ADAMTSL1: variants seen among roughly 807,000 people sequenced by gnomAD.
ADAMTSL1 encodes ADAMTS like 1.
A neutral mutation model predicts 201.8 loss-of-function variants in ADAMTSL1; 126 were observed. The observed-to-expected ratio is 0.62, with a 90% CI of 0.54 to 0.72. The LOEUF is 0.72. Ranked by LOEUF, ADAMTSL1 falls within the 30% of genes least tolerant of loss-of-function variation. The pLI, the probability that ADAMTSL1 is intolerant of heterozygous loss-of-function variation, is 0.00. For synonymous variants in ADAMTSL1, 1,121 were observed against 903.4 expected, an observed-to-expected ratio of 1.24 and a Z score of -4.32; for missense variants, 2,679 against 2,277.8, an observed-to-expected ratio of 1.18 and a Z score of -3.59.
chr9:17,909,112 A>G (rs1364465679), intron 1 of ADAMTSL1, among the ~76,000 whole-genome samples: 18 of 147,310 alleles, frequency 1.2e-4, no homozygotes, highest in South Asian at 2.3e-4. Flanking sequence ...GGCTGCATAA[A>G]TGTCTTCTTT....
intron 2 of ADAMTSL1, among the ~76,000 whole-genome samples, chr9:18,200,876 G>T (rs538441592): frequency 6.6e-5 from 10 of 151,884 alleles, no homozygotes; most frequent in Admixed American, 2.0e-4. Context: ...AAGTCATGAT[G>T]ACCTCTTTCA....
intron 1 of ADAMTSL1, among the ~76,000 whole-genome samples, chr9:18,163,545 G>A (rs935569605): frequency 6.6e-6 from 1 of 151,944 alleles, no homozygotes; most frequent in Non-Finnish European, 1.5e-5. Flanking sequence ...TCCATGGATA[G>A]CCCAATGGGA....
intron 1 of ADAMTSL1, among the ~76,000 whole-genome samples, chr9:18,138,318 C>A (rs1418811411): frequency 1.3e-5 from 2 of 152,112 alleles, no homozygotes; most frequent in Non-Finnish European, 2.9e-5. Flanking sequence ...ACATACATAT[C>A]TTGCATGTGT....
chr9:18,419,302 G>A (rs1641651405), intron 2 of ADAMTSL1, among the ~76,000 whole-genome samples: 1 of 152,114 alleles, frequency 6.6e-6, no homozygotes, highest in Non-Finnish European at 1.5e-5. Flanking sequence ...AGAGTTCTTA[G>A]ACATGACTCA....
chr9:18,881,527 T>C (rs1336021365), intron 23 of ADAMTSL1, among the ~76,000 whole-genome samples: 2 of 152,230 alleles, frequency 1.3e-5, no homozygotes, highest in African/African-American at 2.4e-5. Context: ...TCTTTTTATA[T>C]GAGCATGGTT....
chr9:18,715,499 G>T (rs10811019), intron 14 of ADAMTSL1, among the ~76,000 whole-genome samples: 6 of 151,670 alleles, frequency 4.0e-5, no homozygotes, highest in Admixed American at 2.6e-4. Flanking sequence ...GCTTCAAAGA[G>T]GATAAAATAC....
At position 18,140,516 on chromosome 9, in the gene ADAMTSL1, A is replaced by G. The variant is rs569402969; in HGVS notation, c.88-23346A>G. 2.0e-5 allele frequency among the ~76,000 whole-genome samples: 3 copies of G among 152,302 alleles called. No homozygotes were observed. In the East Asian group the frequency reaches 5.8e-4, roughly 29 times the overall value. On this transcript the variant is annotated intron_variant, in intron 1 of 29. Transcript: ENST00000680146. ...TGTGTGAAATGTTGCCTACCAGGGA[A>G]GTCTATCAGAGACTCAACACTAGAA... is the stretch of plus-strand genomic sequence containing the variant.
chr9:18,259,664 A>T (rs138002514), intron 2 of ADAMTSL1, among the ~76,000 whole-genome samples: 1 of 152,174 alleles, frequency 6.6e-6, no homozygotes, highest in Non-Finnish European at 1.5e-5. Flanking sequence ...GGTTTCCATC[A>T]CTTTGACTTT....
chr9:18,773,936 A>G (rs1036394841), intron 17 of ADAMTSL1, among the ~76,000 whole-genome samples: 40 of 152,368 alleles, frequency 2.6e-4, no homozygotes, highest in African/African-American at 9.6e-4. Flanking sequence ...TATAAAAGCA[A>G]TGGGTTTGAT....
At chr9:17,940,511 A>T (rs557182716) in intron 1 of ADAMTSL1, among the ~76,000 whole-genome samples, 2 of 151,976 alleles carry the variant, frequency 1.3e-5, no homozygotes, top group Non-Finnish European at 2.9e-5. Context: ...AGAAAAACCA[A>T]TTTAGGGTGG....
intron 2 of ADAMTSL1, among the ~76,000 whole-genome samples, chr9:18,461,757 G>C (rs1414613737): frequency 4.6e-5 from 7 of 152,132 alleles, no homozygotes; most frequent in Non-Finnish European, 8.8e-5. Flanking sequence ...AAGCAGGCAG[G>C]AAAGGAAGTC....
intron 16 of ADAMTSL1, among the ~76,000 whole-genome samples, chr9:18,757,330 G>A (rs533433782): frequency 6.6e-6 from 1 of 151,606 alleles, no homozygotes; most frequent in African/African-American, 2.4e-5. Flanking sequence ...CTCCTCTTTG[G>A]TGTTGGTTAT....
At chr9:18,888,325 C>A (rs1563890575) in intron 24 of ADAMTSL1, among the ~76,000 whole-genome samples, 2 of 152,202 alleles carry the variant, frequency 1.3e-5, no homozygotes, top group African/African-American at 4.8e-5. Flanking sequence ...ACCATGGAAA[C>A]ACCACTATAT....
chr9:18,277,738 C>T (rs1164198135), intron 2 of ADAMTSL1, among the ~76,000 whole-genome samples: 5 of 152,240 alleles, frequency 3.3e-5, no homozygotes. Context: ...CATCCTATGT[C>T]TTTTCACTGG....
intron 13 of ADAMTSL1, among the ~76,000 whole-genome samples, chr9:18,689,520 TA>T (rs947029912): frequency 6.6e-6 from 1 of 151,496 alleles, no homozygotes; most frequent in Non-Finnish European, 1.5e-5. Flanking sequence ...TCATATTTTT[TA>T]AAAAAAAGGA....
intron 1 of ADAMTSL1, among the ~76,000 whole-genome samples, chr9:17,976,531 C>G (rs1442571646): frequency 6.6e-6 from 1 of 151,454 alleles, no homozygotes; most frequent in African/African-American, 2.4e-5. Context: ...TTTTTATTCT[C>G]GGAGAATTGG....
chr9:18,521,417 C>A (rs933046050), intron 2 of ADAMTSL1, among the ~76,000 whole-genome samples: 3 of 150,970 alleles, frequency 2.0e-5, no homozygotes, highest in African/African-American at 7.3e-5. Flanking sequence ...CTTCTGCACC[C>A]CATAAATACA....
intron 1 of ADAMTSL1, among the ~76,000 whole-genome samples, chr9:17,926,758 T>C (rs4477123): frequency 0.84 from 128,490 of 152,172 alleles, 54,484 homozygotes; most frequent in East Asian, 0.94. Flanking sequence ...TTTCCAAGCT[T>C]TCAGATTTCC....
chr9:17,976,340 G>A (rs1468435968), intron 1 of ADAMTSL1, among the ~76,000 whole-genome samples: 2 of 151,830 alleles, frequency 1.3e-5, no homozygotes, highest in South Asian at 2.1e-4. Flanking sequence ...ACAGTATTAA[G>A]TCTTCCAATT....
Sources: allele counts gnomAD v4.1 joint callset (sites outside exome capture counted in the v4.1 genomes callset), GRCh38; gene constraint gnomAD v4.1.1; transcripts MANE v1.5; gene names NCBI Gene and HGNC (gene_info 2026-07-23, HGNC 2026-07-21).